Variants in FILIP1 observed in about 807,000 individuals in gnomAD.
FILIP1 encodes filamin A interacting protein 1.
FILIP1 carries 61 observed loss-of-function variants against 102.1 expected under a neutral mutation model. That is an observed-to-expected ratio of 0.60 (90% CI 0.49 to 0.74). FILIP1 has a LOEUF of 0.74. FILIP1 is among the 30% of genes least tolerant of loss of function. The pLI, the probability that FILIP1 is intolerant of heterozygous loss-of-function variation, is 0.00. For missense variants in FILIP1, 1,314 were observed against 1,441.2 expected (o/e 0.91, Z 1.43); for synonymous variants, 491 against 526.9 (o/e 0.93, Z 0.93).
intron 2 of FILIP1, among the ~76,000 whole-genome samples, chr6:75,409,047 C>A (rs180921817): frequency 3.9e-4 from 60 of 152,258 alleles, no homozygotes; most frequent in African/African-American, 1.4e-3. Flanking sequence ...ATTTCTCTTA[C>A]CTAAAAAGTT....
intron 2 of FILIP1, among the ~76,000 whole-genome samples, chr6:75,406,087 G>A (rs1776835181): frequency 6.6e-6 from 1 of 152,112 alleles, no homozygotes; most frequent in Admixed American, 6.5e-5. Context: ...AGTCCTGTCT[G>A]ACGGGGCCTT....
chr6:75,419,404 T>A (rs1777376646), intron 1 of FILIP1, among the ~76,000 whole-genome samples: 1 of 152,138 alleles, frequency 6.6e-6, no homozygotes, highest in Admixed American at 6.6e-5. Flanking sequence ...TGGTTTTATT[T>A]TATCTATATA....
At chr6:75,323,464 A>G (rs775764958) in intron 4 of FILIP1, among the ~76,000 whole-genome samples, 3 of 152,374 alleles carry the variant, frequency 2.0e-5, no homozygotes, top group Non-Finnish European at 4.4e-5. Context: ...CTAGCGAGTG[A>G]CTTAAAATAT....
chr6:75,442,224 C>T (rs1778286716), intron 1 of FILIP1, among the ~76,000 whole-genome samples: 1 of 151,942 alleles, frequency 6.6e-6, no homozygotes, highest in Non-Finnish European at 1.5e-5. Flanking sequence ...CTCCTCACTT[C>T]CTAGATGGGA....
intron 1 of FILIP1, among the ~76,000 whole-genome samples, chr6:75,475,616 T>C (rs1160765520): frequency 6.6e-6 from 1 of 152,220 alleles, no homozygotes; most frequent in African/African-American, 2.4e-5. Context: ...AATTTCATAG[T>C]GAATTTTGTA....
At chr6:75,472,851 G>T (rs1047724541) in intron 1 of FILIP1, among the ~76,000 whole-genome samples, 1 of 152,116 alleles carries the variant, frequency 6.6e-6, no homozygotes, top group Non-Finnish European at 1.5e-5. Flanking sequence ...ATTAGTCACA[G>T]AGACATAATG....
intron 2 of FILIP1, among the ~76,000 whole-genome samples, chr6:75,373,236 T>C (rs545201673): frequency 6.6e-6 from 1 of 152,188 alleles, no homozygotes; most frequent in Non-Finnish European, 1.5e-5. Context: ...ACTCAAATCA[T>C]AGAGACAGAA....
intron 3 of FILIP1, among the ~76,000 whole-genome samples, chr6:75,355,391 A>AT (rs397885759): frequency 0.024 from 3,132 of 131,342 alleles, 72 homozygotes; most frequent in East Asian, 0.1. Context: ...AGGTTATAAG[A>AT]TTTTTTTTTT....
chr6:75,401,502 G>A (rs182259868), intron 2 of FILIP1, among the ~76,000 whole-genome samples: 20 of 151,960 alleles, frequency 1.3e-4, no homozygotes, highest in African/African-American at 4.6e-4. Flanking sequence ...TATCCATTCT[G>A]GTCAATACAG....
At chr6:75,440,443 G>A (rs889908571) in intron 1 of FILIP1, among the ~76,000 whole-genome samples, 4 of 152,100 alleles carry the variant, frequency 2.6e-5, no homozygotes, top group Non-Finnish European at 4.4e-5. Flanking sequence ...CACTATGAAG[G>A]GCTTATCGAA....
At chr6:75,410,231 C>G (rs552993569) in intron 2 of FILIP1, among the ~76,000 whole-genome samples, 3 of 152,086 alleles carry the variant, frequency 2.0e-5, no homozygotes, top group African/African-American at 4.8e-5. Flanking sequence ...TCACTAAATG[C>G]TCCATACATA....
chr6:75,412,530 T>C (rs963819990), intron 2 of FILIP1, among the ~76,000 whole-genome samples: 2 of 152,160 alleles, frequency 1.3e-5, no homozygotes, highest in Non-Finnish European at 2.9e-5. Flanking sequence ...TTTTGCCCAT[T>C]CAGTATGATG....
intron 2 of FILIP1, among the ~76,000 whole-genome samples, chr6:75,405,861 A>G (rs748506319): frequency 6.6e-6 from 1 of 152,190 alleles, no homozygotes. Context: ...GACAGGGTGG[A>G]GCAGATAATC....
chr6:75,326,560 C>T (rs1408646563), intron 4 of FILIP1, among the ~76,000 whole-genome samples: 1 of 152,074 alleles, frequency 6.6e-6, no homozygotes, highest in East Asian at 1.9e-4. Flanking sequence ...TTGCTAATAC[C>T]TAATTTTGAC....
intron 1 of FILIP1, among the ~76,000 whole-genome samples, chr6:75,456,115 G>T (rs1377839876): frequency 2.6e-5 from 4 of 152,138 alleles, no homozygotes; most frequent in Admixed American, 6.5e-5. Context: ...ACACTAAGAG[G>T]CTAGTGGTTC....
chr6:75,330,399 C>G (rs1318631656), intron 4 of FILIP1, among the ~76,000 whole-genome samples: 1 of 152,080 alleles, frequency 6.6e-6, no homozygotes, highest in South Asian at 2.1e-4. Flanking sequence ...CCCTCGTACA[C>G]TTTTTTTCTC....
chr6:75,467,925 C>G (rs1297607035), intron 1 of FILIP1, among the ~76,000 whole-genome samples: 2 of 152,180 alleles, frequency 1.3e-5, no homozygotes, highest in East Asian at 3.8e-4. Flanking sequence ...AACTGTGCAC[C>G]TTCCCTCTAC....
chr6:75,307,124 T>C (rs192474995), downstream of FILIP1, among the ~76,000 whole-genome samples: 1 of 152,228 alleles, frequency 6.6e-6, no homozygotes, highest in East Asian at 1.9e-4. Context: ...TGTAATATAA[T>C]GCCGAGAACT....
At chr6:75,433,233 G>C (rs1256240376) in intron 1 of FILIP1, among the ~76,000 whole-genome samples, 1 of 152,200 alleles carries the variant, frequency 6.6e-6, no homozygotes, top group Non-Finnish European at 1.5e-5. Context: ...TCTAGTTCTA[G>C]ATCCTTGAGG....
Sources: gnomAD v4.1 joint callset for allele counts (sites outside exome capture counted in the v4.1 genomes callset) on GRCh38, gnomAD v4.1.1 for gene constraint, MANE v1.5 for transcripts, NCBI Gene and HGNC (gene_info 2026-07-23, HGNC 2026-07-21) for gene names.